Variants in PTPRG observed in about 807,000 individuals in gnomAD.
The protein encoded by PTPRG is protein tyrosine phosphatase receptor type G, also known as receptor-type tyrosine-protein phosphatase gamma.
PTPRG carries 102 observed loss-of-function variants against 165.3 expected under a neutral mutation model. The observed-to-expected ratio is 0.62, with a 90% CI of 0.53 to 0.73. The LOEUF (loss-of-function observed/expected upper bound fraction) is 0.73. PTPRG is among the 30% of genes least tolerant of loss of function. PTPRG has a pLI of 0.00. For missense variants in PTPRG, 1,866 were observed against 1,861.4 expected (o/e 1.00, Z -0.05); for synonymous variants, 675 against 669.5 (o/e 1.01, Z -0.13).
At chr3:62,147,478 C>T (rs551826777) in intron 6 of PTPRG, among the ~76,000 whole-genome samples, 89 of 152,232 alleles carry the variant, frequency 5.8e-4, no homozygotes, top group African/African-American at 2.0e-3. Context: ...ATCAATTCTG[C>T]GACTCTCATG....
chr3:62,074,352 C>CTTTTTTTTTTTTTTTTTTTTTTTT (rs200189646), intron 4 of PTPRG, among the ~76,000 whole-genome samples: 2 of 109,114 alleles, frequency 1.8e-5, no homozygotes. Context: ...TCTTTTCTTT[C>CTTTTTTTTTTTTTTTTTTTTTTTT]TTTTTTTTTT....
intron 1 of PTPRG, among the ~76,000 whole-genome samples, chr3:61,719,676 T>G (rs1199979204): frequency 6.6e-6 from 1 of 152,214 alleles, no homozygotes; most frequent in Non-Finnish European, 1.5e-5. Flanking sequence ...CCAGAAGTTA[T>G]GTTAATCAAT....
At chr3:62,058,847 G>C (rs757652008) in intron 4 of PTPRG, among the ~76,000 whole-genome samples, 7 of 152,168 alleles carry the variant, frequency 4.6e-5, no homozygotes, top group Non-Finnish European at 1.0e-4. Flanking sequence ...CTGAAGTTGA[G>C]CTCTACTCCC....
chr3:61,742,881 C>T (rs1039671713), intron 1 of PTPRG: 2 of 1,535,252 alleles, frequency 1.3e-6, no homozygotes, highest in Non-Finnish European at 1.8e-6. Context: ...CGGCCTTAGC[C>T]TCGTCACAGT....
intron 2 of PTPRG, among the ~76,000 whole-genome samples, chr3:61,915,285 T>G (rs1037512843): frequency 6.6e-6 from 1 of 152,228 alleles, no homozygotes; most frequent in Non-Finnish European, 1.5e-5. Flanking sequence ...AAACTTATCT[T>G]AAGATAAATA....
In PTPRG at chr3:61,673,029, C is replaced by A. The variant is rs917074798; in HGVS notation, c.86-75849C>A. Among the ~76,000 whole-genome samples, 3 of 151,894 alleles carry A rather than the reference C, an allele frequency of 2.0e-5. 1 individual carries two copies. Among genetic ancestry groups the A allele is most frequent in the Admixed American group, 2.0e-4 (3 of 15,260 alleles). ...AAAAAATTAGCTGGGTGTGGTGGTGCGTGCCCGTAGTCCTAGCTACTCGGA... is the reference window on the plus strand; with the variant it reads ...AAAAAATTAGCTGGGTGTGGTGGTGAGTGCCCGTAGTCCTAGCTACTCGGA... On this transcript the variant is annotated intron_variant, in intron 1 of 29. Coordinates refer to ENST00000474889, the MANE Select transcript of PTPRG (RefSeq NM_002841.4).
intron 2 of PTPRG, among the ~76,000 whole-genome samples, chr3:61,869,568 C>G (rs907328405): frequency 2.2e-4 from 33 of 151,748 alleles, no homozygotes; most frequent in Admixed American, 3.3e-4. Flanking sequence ...CCTCCCCTCC[C>G]CTCCCCTCCC....
intron 5 of PTPRG, among the ~76,000 whole-genome samples, chr3:62,121,444 C>T (rs1004107534): frequency 6.6e-6 from 1 of 152,082 alleles, no homozygotes; most frequent in Non-Finnish European, 1.5e-5. Flanking sequence ...TTCACTTTCC[C>T]ATGACTATAC....
intron 2 of PTPRG, among the ~76,000 whole-genome samples, chr3:61,860,633 A>C (rs2037238516): frequency 6.6e-6 from 1 of 151,708 alleles, no homozygotes; most frequent in African/African-American, 2.4e-5. Flanking sequence ...TAGTAGAGAC[A>C]GGGTTTCTGC....
At chr3:62,293,005 T>G (rs1344398642) in intron 29 of PTPRG, among the ~76,000 whole-genome samples, 156 bp from the exon 30 acceptor site, 1 of 152,164 alleles carries the variant, frequency 6.6e-6, no homozygotes, top group Non-Finnish European at 1.5e-5. Flanking sequence ...TATAATAAAT[T>G]CAAATGATTT....
intron 2 of PTPRG, among the ~76,000 whole-genome samples, chr3:61,864,294 C>T (rs1034426372): frequency 3.9e-5 from 6 of 152,074 alleles, no homozygotes; most frequent in Non-Finnish European, 8.8e-5. Context: ...TATATGTACC[C>T]CAGGAGACAC....
At chr3:61,948,153 G>A (rs577257477) in intron 2 of PTPRG, among the ~76,000 whole-genome samples, 5 of 151,998 alleles carry the variant, frequency 3.3e-5, no homozygotes, top group African/African-American at 1.2e-4. Flanking sequence ...AGAGAAACCC[G>A]GTCTCTACTA....
At chr3:62,154,547 C>T (rs538946829) in intron 6 of PTPRG, among the ~76,000 whole-genome samples, 1 of 152,314 alleles carries the variant, frequency 6.6e-6, no homozygotes, top group South Asian at 2.1e-4. Context: ...CAGCGTTCCC[C>T]TTTGAAATCT....
intron 2 of PTPRG, among the ~76,000 whole-genome samples, chr3:61,797,382 T>C (rs1212538870): frequency 6.6e-6 from 1 of 152,190 alleles, no homozygotes; most frequent in Non-Finnish European, 1.5e-5. Flanking sequence ...TCTGACTTCA[T>C]GAAATAAGGT....
At chr3:61,790,825 A>C (rs1185988004) in intron 2 of PTPRG, among the ~76,000 whole-genome samples, 3 of 151,980 alleles carry the variant, frequency 2.0e-5, no homozygotes, top group Non-Finnish European at 2.9e-5. Flanking sequence ...ATCTAGGAAA[A>C]TATGTCGAAT....
rs1701447714 is a variant in PTPRG at position 62,252,560 on chromosome 3, C to T, written c.2468-2564C>T. On this transcript the variant is annotated intron_variant, in intron 15 of 29. Coordinates refer to ENST00000474889, the MANE Select transcript of PTPRG (RefSeq NM_002841.4). The surrounding 1 kb of genome is among the most constrained non-coding windows in gnomAD (Gnocchi z 4.6). ...GAGATAGCATGTTTTGGATGAATGT[C>T]TTCTTAAAACACACAGGGCCTTTCC... Among the ~76,000 whole-genome samples the T allele has an allele frequency of 1.3e-5, 2 of 152,158 alleles. No homozygotes were observed. Among genetic ancestry groups the T allele is most frequent in the African/African-American group, 4.8e-5 (2 of 41,422 alleles).
At chr3:62,189,377 C>G (rs1042598246) in intron 8 of PTPRG, among the ~76,000 whole-genome samples, 1 of 152,098 alleles carries the variant, frequency 6.6e-6, no homozygotes, top group African/African-American at 2.4e-5. Flanking sequence ...CCAGAGCTGC[C>G]TTGGGTTTTG....
intron 2 of PTPRG, among the ~76,000 whole-genome samples, chr3:61,800,716 T>A (rs938332101): frequency 1.3e-5 from 2 of 151,928 alleles, no homozygotes; most frequent in Non-Finnish European, 2.9e-5. Context: ...TGATCTCGGC[T>A]TACTGCAACC....
Position 62,281,552 on chromosome 3 carries a change from G to GTTTACAAAT in PTPRG, c.3766-11_3766-10insTTTACAAAT. 1 of 199,704 alleles carries GTTTACAAAT rather than the reference G, an allele frequency of 5.0e-6. No homozygotes were observed. Among genetic ancestry groups the GTTTACAAAT allele is most frequent in the Non-Finnish European group, 6.9e-6 (1 of 145,198 alleles). 12.4% of individuals were successfully genotyped at this position (199,704 alleles called of 1,614,324 possible). ...AACTGCAGAGGCTTTTTTTTTTTTTGGATTCCAAAGGCAGAAGATGAGTTT... is the reference window on the plus strand; with the variant it reads ...AACTGCAGAGGCTTTTTTTTTTTTTGTTTACAAATGATTCCAAAGGCAGAAGATGAGTTT... On this transcript the variant is annotated splice_polypyrimidine_tract_variant and intron_variant, in intron 26 of 29. Coordinates refer to ENST00000474889, the MANE Select transcript of PTPRG (RefSeq NM_002841.4).
Sources: gnomAD v4.1 joint callset for allele counts (sites outside exome capture counted in the v4.1 genomes callset) on GRCh38, gnomAD v4.1.1 for gene constraint, Gnocchi (gnomAD v3.1) non-coding constraint, MANE v1.5 for transcripts, NCBI Gene and HGNC (gene_info 2026-07-23, HGNC 2026-07-21) for gene names.